HERC2: variants seen among roughly 807,000 people sequenced by gnomAD.
The protein encoded by HERC2 is E3 ubiquitin-protein ligase HERC2.
HERC2 carries 102 observed loss-of-function variants against 537.7 expected under a neutral mutation model. That is an observed-to-expected ratio of 0.19 (90% confidence interval 0.16 to 0.22). HERC2 has a LOEUF of 0.22. Ranked by LOEUF, HERC2 falls within the 10% of genes least tolerant of loss-of-function variation. The probability of loss-of-function intolerance (pLI) is 1.00; values close to 1 mark genes in which losing one functional copy is unlikely to be tolerated. For missense variants in HERC2, 4,236 were observed against 6,198.2 expected (o/e 0.68, Z 10.63); for synonymous variants, 2,224 against 2,466.2 (o/e 0.90, Z 2.91).
intron 4 of HERC2, among the ~76,000 whole-genome samples, chr15:28,292,230 CAAAAA>C (rs34513876): frequency 3.0e-5 from 2 of 67,478 alleles, no homozygotes; most frequent in Non-Finnish European, 5.4e-5. Flanking sequence ...ACTCCATCTC[CAAAAA>C]AAAAAAAAAA....
At chr15:28,202,083 G>C in intron 47 of HERC2, 30 bp downstream of exon 47, 2 of 1,234,064 alleles carry the variant, frequency 1.6e-6, no homozygotes, top group Middle Eastern at 5.4e-4. Context: ...CAGCGGCCCA[G>C]GTGCGGGCGG....
At chr15:28,153,589 T>C (rs1305665419) in intron 69 of HERC2, among the ~76,000 whole-genome samples, 1 of 151,944 alleles carries the variant, frequency 6.6e-6, no homozygotes, top group Non-Finnish European at 1.5e-5. Context: ...AGGTGAAGGT[T>C]GCAGTGAGCT....
In HERC2 at chr15:28,248,582, C is replaced by T. The variant is rs1903950822; in HGVS notation, c.3205G>A (p.Glu1069Lys). 6.2e-7 allele frequency: 1 copy of T among 1,613,934 alleles called. No individual in the cohort carries two copies. The highest frequency in any genetic ancestry group is 1.7e-5 in the Admixed American group (1 of 60,026). Reference sequence around the variant, plus strand: ...ATATCTGAGGTCTGACCAATACTTTCTCCTGGATAAAGTTTACTAATAAGC... The same window carrying T: ...ATATCTGAGGTCTGACCAATACTTTTTCCTGGATAAAGTTTACTAATAAGC... Reference protein sequence around the residue: ...RLLISKLYPGESIGQTSDISS... With the variant: ...RLLISKLYPGKSIGQTSDISS... The change falls in exon 21 of 93, where the codon GAA becomes AAA. Residue 1069 changes from glutamate (E) to lysine (K), a missense_variant. Physicochemically the swap from Glu to Lys is moderately conservative, Grantham distance 56. Transcript: ENST00000261609.
At position 28,167,960 on chromosome 15, in the gene HERC2, T is replaced by C. The variant is rs1894317126; in HGVS notation, c.10414-133A>G. ...TAGAATGTTCCAGATTTTACAGAGGTAACATGGTGCCCACCAGACATAGCC... is the reference window on the plus strand; with the variant it reads ...TAGAATGTTCCAGATTTTACAGAGGCAACATGGTGCCCACCAGACATAGCC... On this transcript the variant is annotated intron_variant, in intron 67 of 92. Transcript: ENST00000261609. 5 of 1,005,222 alleles carry C rather than the reference T, an allele frequency of 5.0e-6. No individual in the cohort carries two copies. The Admixed American group carries it at 1.2e-4, about 24-fold the overall frequency. The allele number at this position is 1,005,222 out of a possible 1,614,324, so 62.3% of individuals were successfully genotyped here. A position where few individuals can be genotyped will look rare whatever the true frequency, so the allele number is the denominator to read the frequency against.
chr15:28,116,376 G>C (rs1310169710), intron 88 of HERC2, among the ~76,000 whole-genome samples: 2 of 151,928 alleles, frequency 1.3e-5, no homozygotes, highest in Non-Finnish European at 2.9e-5. Flanking sequence ...ACCACAGCCA[G>C]CTAATTTTTT....
intron 6 of HERC2, 129 bp from the exon 7 acceptor site, chr15:28,274,576 C>T (rs898205656): frequency 5.5e-6 from 5 of 909,932 alleles, no homozygotes; most frequent in Admixed American, 2.7e-5. Context: ...CAAAATCTAG[C>T]GCAGCTGCTC....
At chr15:28,297,523 C>T (rs1051913017) in intron 3 of HERC2, among the ~76,000 whole-genome samples, 21 of 151,450 alleles carry the variant, frequency 1.4e-4, no homozygotes, top group Non-Finnish European at 2.8e-4. Flanking sequence ...ATGAGAAGTG[C>T]TATATTAAAT....
chr15:28,301,747 A>G (rs1440981511), intron 2 of HERC2, among the ~76,000 whole-genome samples: 2,073 of 89,258 alleles, frequency 0.023, 110 homozygotes, highest in African/African-American at 0.11. Context: ...ATATATATAT[A>G]TATATATATA....
At chr15:28,292,230 C>CAAAA (rs34513876) in intron 4 of HERC2, among the ~76,000 whole-genome samples, 1 of 67,486 alleles carries the variant, frequency 1.5e-5, no homozygotes, top group Non-Finnish European at 2.7e-5. Flanking sequence ...ACTCCATCTC[C>CAAAA]AAAAAAAAAA....
At chr15:28,165,317 C>G (rs763306890) in intron 68 of HERC2, among the ~76,000 whole-genome samples, 1 of 152,176 alleles carries the variant, frequency 6.6e-6, no homozygotes. Flanking sequence ...GGTTGGTTAT[C>G]TAAGGGGACT....
At chr15:28,243,988 C>T (rs570900930) in intron 23 of HERC2, among the ~76,000 whole-genome samples, 2 of 152,258 alleles carry the variant, frequency 1.3e-5, no homozygotes, top group South Asian at 4.1e-4. Flanking sequence ...CCAGCCTGGG[C>T]AACAGAGGGA....
At chr15:28,248,482 A>G (rs1401819917) in intron 21 of HERC2, 70 bp downstream of exon 21, 2 of 1,147,074 alleles carry the variant, frequency 1.7e-6, no homozygotes, top group Admixed American at 3.7e-5. Flanking sequence ...TATAGGATGG[A>G]CACGTCGAAA....
intron 4 of HERC2, among the ~76,000 whole-genome samples, chr15:28,292,586 C>A (rs1596407307): frequency 6.6e-6 from 1 of 151,964 alleles, no homozygotes; most frequent in African/African-American, 2.4e-5. Flanking sequence ...GAGTGTGAGG[C>A]AGGGAGATCC....
In HERC2 at chr15:28,146,226, C is replaced by T; in HGVS notation, c.11008+11G>A. 3.7e-6 allele frequency: 6 copies of T among 1,601,114 alleles called. No individual in the cohort carries two copies. Among genetic ancestry groups the T allele is most frequent in the Non-Finnish European group, 5.1e-6 (6 of 1,168,274 alleles). On this transcript the variant is annotated intron_variant, in intron 71 of 92. Transcript: ENST00000261609. Reference sequence around the variant, plus strand: ...GGGTAGATCATGCCCTGCTCAACCTCCTGTCCTTACCTGACCGCACGGAGA... The same window carrying T: ...GGGTAGATCATGCCCTGCTCAACCTTCTGTCCTTACCTGACCGCACGGAGA...
chr15:28,251,398 G>A (rs1190520369), intron 20 of HERC2, among the ~76,000 whole-genome samples: 4 of 149,460 alleles, frequency 2.7e-5, no homozygotes, highest in South Asian at 4.3e-4. Context: ...AGCTGAGATC[G>A]TGCCACTGCA....
intron 20 of HERC2, among the ~76,000 whole-genome samples, chr15:28,254,004 C>T (rs981520464): frequency 3.3e-5 from 5 of 151,402 alleles, no homozygotes; most frequent in Admixed American, 1.3e-4. Context: ...CATAAATAGA[C>T]CGGGAGTGGT....
chr15:28,260,006 G>A (rs559505986), intron 16 of HERC2, among the ~76,000 whole-genome samples: 9 of 148,860 alleles, frequency 6.0e-5, no homozygotes, highest in Admixed American at 2.7e-4. Flanking sequence ...GTAAATTGTG[G>A]CCAAGTGATG....
At chr15:28,220,281 C>T (rs1900383963) in intron 37 of HERC2, among the ~76,000 whole-genome samples, 171 bp downstream of exon 37, 1 of 152,236 alleles carries the variant, frequency 6.6e-6, no homozygotes, top group Non-Finnish European at 1.5e-5. Context: ...ACTCCACACA[C>T]CTGCATCGGA....
In HERC2 at chr15:28,274,413, C is replaced by A. The variant is rs1190219879; in HGVS notation, c.678G>T (p.Gln226His). ...GTGCTCGCAGGGCGTCCAGGGACTCCTGCAACAGCTCACTGCAGAGGTCCG... is the reference window on the plus strand; with the variant it reads ...GTGCTCGCAGGGCGTCCAGGGACTCATGCAACAGCTCACTGCAGAGGTCCG... ...EDADLCSELL[Q>H]ESLDALRALP... is the part of the protein sequence containing the mutation. The change falls in exon 7 of 93, where the codon CAG becomes CAT. Residue 226 changes from glutamine to histidine, a missense_variant. Transcript: ENST00000261609. 1 of 1,613,408 alleles carries A rather than the reference C, an allele frequency of 6.2e-7. No homozygotes were observed. The highest frequency in any genetic ancestry group is 8.5e-7 in the Non-Finnish European group (1 of 1,179,702).
Sources: gnomAD v4.1 joint callset for allele counts (sites outside exome capture counted in the v4.1 genomes callset) on GRCh38, gnomAD v4.1.1 for gene constraint, MANE v1.5 for transcripts, NCBI Gene and HGNC (gene_info 2026-07-23, HGNC 2026-07-21) for gene names.